Variants in TRIM47 observed in about 807,000 individuals in gnomAD.
The protein encoded by TRIM47 is E3 ubiquitin-protein ligase TRIM47.
A neutral mutation model predicts 54.4 loss-of-function variants in TRIM47; 46 were observed. The observed-to-expected ratio is 0.84, with a 90% CI of 0.67 to 1.08. The LOEUF is 1.08. TRIM47 is among the 50% of genes least tolerant of loss of function. TRIM47 has a pLI of 0.00. For missense variants in TRIM47, 825 were observed against 910.1 expected (o/e 0.91, Z 1.20); for synonymous variants, 392 against 410.2 (o/e 0.96, Z 0.54).
At chr17:75,876,868 C>G in intron 1 of TRIM47, 55 bp from the exon 2 acceptor site, 4 of 1,567,302 alleles carry the variant, frequency 2.6e-6, no homozygotes, top group Non-Finnish European at 3.5e-6. Flanking sequence ...CAGCCCTACA[C>G]TCGGGTCCCA....
chr17:75,876,152 T>C, intron 3 of TRIM47, 53 bp from the exon 4 acceptor site: 1 of 1,584,200 alleles, frequency 6.3e-7, no homozygotes, highest in Non-Finnish European at 8.6e-7. Context: ...TCCTCCTTGC[T>C]GGGGGTGGAG....
chr17:75,877,104 AT>A lies in TRIM47; in HGVS notation c.676-292del, dbSNP rs1567835994. 4.4e-5 allele frequency: 19 copies of A among 428,212 alleles called. No individual in the cohort carries two copies. The South Asian group carries it at 6.5e-4, about 15-fold the overall frequency. The allele number at this position is 428,212 out of a possible 1,614,324, so 26.5% of individuals were successfully genotyped here. A position where few individuals can be genotyped will look rare whatever the true frequency, so the allele number is the denominator to read the frequency against. On this transcript the variant is annotated intron_variant, in intron 1 of 5. Transcript: ENST00000254816. ...GCTGGTCTCAGTGTTGCTCAGATGA[AT>A]TTGAGAACTTCCTCCGGCGGGGAAG...
In TRIM47 at chr17:75,876,776, C is replaced by T. The variant is rs755445889; in HGVS notation, c.713G>A (p.Arg238His). ...QSKVLSAVED[R>H]MDELGAGIAQ... is the part of the protein sequence containing the mutation. ...AATGCCAGCACCCAGCTCGTCCATG[C>T]GGTCCTCCACGGCGCTCAGGACTTT... Residue 238 changes from arginine to histidine, a missense_variant, in exon 2 of 6, where the codon CGC becomes CAC. Coordinates refer to ENST00000254816, the MANE Select transcript of TRIM47 (RefSeq NM_033452.3). The T allele has an allele frequency of 7.4e-6, 12 of 1,614,028 alleles. No individual in the cohort carries two copies. The highest frequency in any genetic ancestry group is 1.6e-4 in the Middle Eastern group (1 of 6,082).
At position 75,878,461 on chromosome 17, in the gene TRIM47, G is replaced by A; in HGVS notation, c.88C>T (p.Leu30Phe). 1 of 1,425,712 alleles carries A rather than the reference G, an allele frequency of 7.0e-7. No individual in the cohort carries two copies. Among genetic ancestry groups the A allele is most frequent in the South Asian group, 1.4e-5 (1 of 70,624 alleles). The allele number at this position is 1,425,712 out of a possible 1,614,324, so 88.3% of individuals were successfully genotyped here. ...VTLPCGHNFC[L>F]ACLGALWPHR... ...GGCCAGAGCGCGCCCAGGCAGGCGA[G>A]ACAGAAGTTGTGGCCGCAGGGCAGC... Residue 30 changes from leucine (L) to phenylalanine (F), a missense_variant, in exon 1 of 6, where the codon CTC (leucine) becomes TTC (phenylalanine). By Grantham distance (22) the Leu-to-Phe change is conservative (BLOSUM62 0). Coordinates refer to ENST00000254816, the MANE Select transcript of TRIM47 (RefSeq NM_033452.3).
chr17:75,875,499 G>C lies in TRIM47; in HGVS notation c.1202-25C>G, dbSNP rs2065128066. ...GCTGTAGAAGAGGAGACAGTGGTGAGAACGCCCCCAGACTGCCCCCCTCTG... is the reference window on the plus strand; with the variant it reads ...GCTGTAGAAGAGGAGACAGTGGTGACAACGCCCCCAGACTGCCCCCCTCTG... On this transcript the variant is annotated intron_variant, in intron 4 of 5. Transcript: ENST00000254816. The surrounding 1 kb of genome is among the most constrained non-coding windows in gnomAD (Gnocchi z 6.1). 1 of 1,608,042 alleles carries C rather than the reference G, an allele frequency of 6.2e-7. No individual in the cohort carries two copies. Among genetic ancestry groups the C allele is most frequent in the Non-Finnish European group, 8.5e-7 (1 of 1,174,734 alleles).
rs754261808 is a variant in TRIM47 at position 75,877,968 on chromosome 17, C to A, written c.581G>T (p.Arg194Leu). 2.1e-5 allele frequency: 30 copies of A among 1,459,634 alleles called. No homozygotes were observed. The African/African-American group carries it at 4.4e-4, about 21-fold the overall frequency. 90.4% of individuals were successfully genotyped at this position (1,459,634 alleles called of 1,614,324 possible). Reference sequence around the variant, plus strand: ...CTCGCACAGACACACGCGCTCCGCGCGGCAGTAGCGCTCGAGCGGCCGTAG... The same window carrying A: ...CTCGCACAGACACACGCGCTCCGCGAGGCAGTAGCGCTCGAGCGGCCGTAG... ...RHLRPLERYC[R>L]AERVCLCEAC... The change falls in exon 1 of 6, where the codon CGC becomes CTC. Residue 194 changes from arginine (R) to leucine (L), a missense_variant. Transcript: ENST00000254816.
rs1567834893 is a variant in TRIM47, at chr17:75,875,857, CTG to C, written c.1201+42_1201+43del. The C allele has an allele frequency of 6.3e-7, 1 of 1,590,140 alleles. No individual in the cohort carries two copies. The highest frequency in any genetic ancestry group is 2.3e-5 in the East Asian group (1 of 43,948). ...CAGGCCTGGGGGCCTGTGCGAGAGG[CTG>C]GCAGAGGGTGAGTCATCGGGGGGGC... On this transcript the variant is annotated intron_variant, in intron 4 of 5. Coordinates refer to ENST00000254816, the MANE Select transcript of TRIM47 (RefSeq NM_033452.3). This position sits in a 1 kb window ranked among gnomAD's most constrained non-coding sequence, Gnocchi z 6.1.
chr17:75,876,587 C>T, intron 2 of TRIM47, 95 bp from the exon 3 acceptor site: 1 of 1,506,928 alleles, frequency 6.6e-7, no homozygotes, highest in Non-Finnish European at 9.0e-7. Flanking sequence ...CACCGGCCCT[C>T]TTGAGGGGAC....
intron 1 of TRIM47, chr17:75,877,577 C>T: frequency 2.2e-6 from 2 of 921,732 alleles, no homozygotes; most frequent in Middle Eastern, 3.9e-4. Flanking sequence ...ACCGGAACCC[C>T]GCGGGCCTAA....
Position 75,876,704 on chromosome 17 carries a change from G to C in TRIM47, c.771+14C>G, listed in dbSNP as rs747511869. Reference sequence around the variant, plus strand: ...TGGAGTGGATTGTTCCATGCTGAGGGAGGGGTGTTTGACCTTGATGAGGGC... The same window carrying C: ...TGGAGTGGATTGTTCCATGCTGAGGCAGGGGTGTTTGACCTTGATGAGGGC... On this transcript the variant is annotated intron_variant, in intron 2 of 5. Transcript: ENST00000254816. 1 of 1,613,824 alleles carries C rather than the reference G, an allele frequency of 6.2e-7. No individual in the cohort carries two copies. Among genetic ancestry groups the C allele is most frequent in the Non-Finnish European group, 8.5e-7 (1 of 1,179,706 alleles).
Position 75,876,312 on chromosome 17 carries a change from G to T in TRIM47, c.952C>A (p.Arg318Ser), listed in dbSNP as rs138136962. 100 of 1,610,906 alleles carry T rather than the reference G, an allele frequency of 6.2e-5. No individual in the cohort carries two copies. The highest frequency in any genetic ancestry group is 8.1e-5 in the Non-Finnish European group (95 of 1,179,792). ...TCAGGGACCTGGCTGAGATTCTGGC[G>T]GGCTCGGCTCAGGCGGCTGCGCTGT... ...EEQRSRLSRA[R>S]QNLSQVPEAD... The change falls in exon 3 of 6, where the codon CGC becomes AGC. Residue 318 changes from arginine (R) to serine (S), a missense_variant. Coordinates refer to ENST00000254816, the MANE Select transcript of TRIM47 (RefSeq NM_033452.3).
At position 75,875,839 on chromosome 17, in the gene TRIM47, G is replaced by A; in HGVS notation, c.1201+62C>T. ...CCACTTCTGGATGGGCGCCAGGCCT[G>A]GGGGCCTGTGCGAGAGGCTGGCAGA... On this transcript the variant is annotated intron_variant, in intron 4 of 5. Transcript: ENST00000254816. This position sits in a 1 kb window ranked among gnomAD's most constrained non-coding sequence, Gnocchi z 6.1. 1 of 1,545,596 alleles carries A rather than the reference G, an allele frequency of 6.5e-7. No individual in the cohort carries two copies. The highest frequency in any genetic ancestry group is 2.3e-5 in the East Asian group (1 of 42,880).
rs1359173521 is a variant in TRIM47, at chr17:75,878,184, G to T, written c.365C>A (p.Ala122Glu). ...SAPCAPEPWP[A>E]GEEPVRCDAC... ...GTCGCAGCGCACTGGCTCTTCGCCC[G>T]CGGGCCACGGCTCGGGAGCGCAGGG... is the stretch of plus-strand genomic sequence containing the variant. Residue 122 changes from alanine to glutamate, a missense_variant, in exon 1 of 6, where the codon GCG (alanine) becomes GAG (glutamate). By Grantham distance (107) the Ala-to-Glu change is moderately radical. Coordinates refer to ENST00000254816, the MANE Select transcript of TRIM47 (RefSeq NM_033452.3). 7.3e-6 allele frequency: 9 copies of T among 1,228,022 alleles called. No individual in the cohort carries two copies. The highest frequency in any genetic ancestry group is 8.1e-6 in the Non-Finnish European group (8 of 985,938). The allele number at this position is 1,228,022 out of a possible 1,614,324, so 76.1% of individuals were successfully genotyped here.
rs370028244 is a variant in TRIM47 at position 75,874,632 on chromosome 17, T to G, written c.1768A>C (p.Ile590Leu). The G allele has an allele frequency of 7.6e-6, 12 of 1,585,622 alleles. No homozygotes were observed. The highest frequency in any genetic ancestry group is 3.4e-6 in the Non-Finnish European group (4 of 1,165,058). The part of the protein sequence containing the change: ...PRRGGIPASP[I>L]DPFQSRLDSH... The stretch of plus-strand genomic sequence containing the variant: ...TCCAGGCGGCTCTGGAAGGGGTCAA[T>G]GGGGGAGGCCGGGATGCCACCCCGG... Residue 590 changes from isoleucine to leucine, a missense_variant, in exon 6 of 6, where the codon ATT (isoleucine) becomes CTT (leucine). Coordinates refer to ENST00000254816, the MANE Select transcript of TRIM47 (RefSeq NM_033452.3). This position sits in a 1 kb window ranked among gnomAD's most constrained non-coding sequence, Gnocchi z 6.2.
At position 75,875,692 on chromosome 17, in the gene TRIM47, G is replaced by A. The variant is rs3744020; in HGVS notation, c.1201+209C>T. 0.19 allele frequency: 133,506 copies of A among 708,932 alleles called. 13,471 individuals carry two copies. The highest frequency in any genetic ancestry group is 0.3 in the African/African-American group (16,948 of 56,308). The allele number at this position is 708,932 out of a possible 1,614,324, so 43.9% of individuals were successfully genotyped here. ...GGGCCACAGCCCTCTGGAGCTAGAG[G>A]GTGGGCTAGGAGAAGCCCCCTCTAC... On this transcript the variant is annotated intron_variant, in intron 4 of 5. Transcript: ENST00000254816. The surrounding 1 kb of genome is among the most constrained non-coding windows in gnomAD (Gnocchi z 6.1).
At chr17:75,877,461 C>A in intron 1 of TRIM47, 1 of 198,020 alleles carries the variant, frequency 5.0e-6, no homozygotes, top group East Asian at 1.3e-4. Context: ...TCGCCCTCTG[C>A]CGCCCTCCTG....
chr17:75,876,808 C>T lies in TRIM47; in HGVS notation c.681G>A (p.Glu227=). The change falls in exon 2 of 6, where the codon GAG becomes GAA. Residue 227 remains glutamate (E), a synonymous_variant. Coordinates refer to ENST00000254816, the MANE Select transcript of TRIM47 (RefSeq NM_033452.3). ...LEQERALQEA[E]QSKVLSAVED... is the part of the protein sequence containing the mutation. ...CCACGGCGCTCAGGACTTTGGACTG[C>T]TCAGCCTGTGGACAACACCCTCCAT... 6.2e-7 allele frequency: 1 copy of T among 1,613,996 alleles called. No homozygotes were observed.
In TRIM47 at chr17:75,875,520, C is replaced by G. The variant is rs568976227; in HGVS notation, c.1202-46G>C. The G allele has an allele frequency of 5.8e-6, 9 of 1,554,020 alleles. No individual in the cohort carries two copies. The South Asian group carries it at 1.0e-4, about 17-fold the overall frequency. ...GTGAGAACGCCCCCAGACTGCCCCC[C>G]TCTGAACCTGTGACTACAATCCCTA... On this transcript the variant is annotated intron_variant, in intron 4 of 5. Coordinates refer to ENST00000254816, the MANE Select transcript of TRIM47 (RefSeq NM_033452.3). This position sits in a 1 kb window ranked among gnomAD's most constrained non-coding sequence, Gnocchi z 6.1.
rs376530908 is a variant in TRIM47, at chr17:75,874,713, C to T, written c.1687G>A (p.Ala563Thr). ...AGGCTCATCTTGCCGTCCCGTACAG[C>T]ATAGAAGGCCAAGGCACGGTCAGCG... Reference protein sequence around the residue: ...EYADRALAFYAVRDGKMSLLR... With the variant: ...EYADRALAFYTVRDGKMSLLR... The change falls in exon 6 of 6, where the codon GCT becomes ACT. Residue 563 changes from alanine to threonine, a missense_variant. Ala to Thr is a moderately conservative substitution (Grantham distance 58). Transcript: ENST00000254816. This position sits in a 1 kb window ranked among gnomAD's most constrained non-coding sequence, Gnocchi z 6.2. 46 of 1,613,840 alleles carry T rather than the reference C, an allele frequency of 2.9e-5. No individual in the cohort carries two copies. The highest frequency in any genetic ancestry group is 3.8e-5 in the Non-Finnish European group (45 of 1,180,004).
Sources: allele counts gnomAD v4.1 joint callset, GRCh38; gene constraint gnomAD v4.1.1; non-coding constraint Gnocchi (gnomAD v3.1); transcripts MANE v1.5; gene names NCBI Gene and HGNC (gene_info 2026-07-23, HGNC 2026-07-21).